The following CNTN1 variants were observed in gnomAD, a reference collection of about 807,000 sequenced individuals.
The protein encoded by CNTN1 is contactin-1.
Under a neutral mutation model 126.4 loss-of-function variants are expected in CNTN1, and 38 were observed. That is an observed-to-expected ratio of 0.30 (90% CI 0.23 to 0.39). CNTN1 has a LOEUF of 0.39. CNTN1 is among the 10% of genes least tolerant of loss of function. CNTN1 has a pLI of 1.00. For synonymous variants in CNTN1, 413 were observed against 422.6 expected (o/e 0.98, Z 0.28); for missense variants, 1,009 against 1,248.4 (o/e 0.81, Z 2.89).
At chr12:40,944,814 G>A (rs1362097089) in intron 14 of CNTN1, among the ~76,000 whole-genome samples, 2 of 152,042 alleles carry the variant, frequency 1.3e-5, no homozygotes, top group Non-Finnish European at 2.9e-5. Context: ...GGCTGTCTAG[G>A]TTACAGTGTA....
intron 1 of CNTN1, among the ~76,000 whole-genome samples, chr12:40,853,242 C>G (rs1942782374): frequency 6.6e-6 from 1 of 151,994 alleles, no homozygotes; most frequent in Non-Finnish European, 1.5e-5. Flanking sequence ...ACCATTGACC[C>G]TAAGAGCAAG....
chr12:40,826,461 AT>A (rs754018920), intron 1 of CNTN1, among the ~76,000 whole-genome samples: 1 of 152,208 alleles, frequency 6.6e-6, no homozygotes, highest in Non-Finnish European at 1.5e-5. Context: ...AGAACAAAAC[AT>A]TGTGGCACAT....
chr12:40,768,717 T>C (rs1303189108), intron 1 of CNTN1, among the ~76,000 whole-genome samples: 1 of 149,676 alleles, frequency 6.7e-6, no homozygotes, highest in East Asian at 1.9e-4. Flanking sequence ...GGCCTCTCAT[T>C]TTTACAACAA....
intron 1 of CNTN1, among the ~76,000 whole-genome samples, chr12:40,783,643 G>A (rs993409139): frequency 2.0e-5 from 3 of 151,940 alleles, no homozygotes; most frequent in Non-Finnish European, 4.4e-5. Flanking sequence ...CAATGTTTCA[G>A]GTAAAACATG....
chr12:41,029,128 A>C lies in CNTN1; in HGVS notation c.2889A>C (p.Glu963Asp). The C allele has an allele frequency of 6.2e-7, 1 of 1,614,118 alleles. No homozygotes were observed. The highest frequency in any genetic ancestry group is 8.5e-7 in the Non-Finnish European group (1 of 1,179,990). ...KLYSTHKHSI[E>D]VPIPRDGEYV... ...ATTCAACTCACAAACACTCCATAGAAGTCCCAATCCCCAGAGATGGAGAAT... is the reference window on the plus strand; with the variant it reads ...ATTCAACTCACAAACACTCCATAGACGTCCCAATCCCCAGAGATGGAGAAT... The change falls in exon 23 of 24, where the codon GAA becomes GAC. Residue 963 changes from glutamate to aspartate, a missense_variant. Coordinates refer to ENST00000551295, the MANE Select transcript of CNTN1 (RefSeq NM_001843.4).
chr12:40,834,592 T>C (rs900545495), intron 1 of CNTN1, among the ~76,000 whole-genome samples: 1 of 152,146 alleles, frequency 6.6e-6, no homozygotes, highest in Non-Finnish European at 1.5e-5. Flanking sequence ...CAGACGAATC[T>C]ATTGAAGAAC....
intron 15 of CNTN1, among the ~76,000 whole-genome samples, chr12:40,959,950 C>T (rs968218592): frequency 2.0e-5 from 3 of 152,056 alleles, no homozygotes; most frequent in African/African-American, 7.2e-5. Flanking sequence ...CCAACTCCAA[C>T]CATCTAACTA....
chr12:40,897,239 C>A (rs1164738921), intron 1 of CNTN1, among the ~76,000 whole-genome samples: 1 of 151,886 alleles, frequency 6.6e-6, no homozygotes, highest in Non-Finnish European at 1.5e-5. Flanking sequence ...GTTCACTAAG[C>A]TTCAGAGATT....
rs959933599 is a variant in CNTN1 at position 41,020,327 on chromosome 12, A to G, written c.2420-10A>G. On this transcript the variant is annotated splice_polypyrimidine_tract_variant and intron_variant, in intron 19 of 23. Transcript: ENST00000551295. ...CTCACTAATAATATAATGTTCTCAT[A>G]AAATTTCAGCTCCCAGTGAAGCCCC... The G allele has an allele frequency of 6.4e-7, 1 of 1,572,758 alleles. No individual in the cohort carries two copies. Among genetic ancestry groups the G allele is most frequent in the Non-Finnish European group, 8.7e-7 (1 of 1,144,758 alleles).
chr12:40,914,567 A>G (rs1038213797), intron 3 of CNTN1, among the ~76,000 whole-genome samples: 1 of 152,220 alleles, frequency 6.6e-6, no homozygotes, highest in Non-Finnish European at 1.5e-5. Context: ...AATCCTTAAT[A>G]GAAAAATGAA....
intron 23 of CNTN1, among the ~76,000 whole-genome samples, chr12:41,035,261 A>G (rs1489632131): frequency 6.6e-6 from 1 of 152,218 alleles, no homozygotes; most frequent in Non-Finnish European, 1.5e-5. Context: ...ATCCTCCAAG[A>G]TGTACTTTCT....
In CNTN1 at chr12:41,016,794, G is replaced by A. The variant is rs267603461; in HGVS notation, c.2297G>A (p.Arg766Gln). The A allele has an allele frequency of 8.1e-6, 13 of 1,613,986 alleles. No homozygotes were observed. Among genetic ancestry groups the A allele is most frequent in the South Asian group, 3.3e-5 (3 of 91,068 alleles). Residue 766 changes from arginine to glutamine, a missense_variant, in exon 19 of 24, where the codon CGA (arginine) becomes CAA (glutamine). Coordinates refer to ENST00000551295, the MANE Select transcript of CNTN1 (RefSeq NM_001843.4). Reference protein sequence around the residue: ...KVTVTNPDTGRYVHKDETMSP... With the variant: ...KVTVTNPDTGQYVHKDETMSP... ...ACAGTTACTAATCCTGATACTGGCC[G>A]ATATGTCCATAAAGATGAAACCATG...
At chr12:40,795,300 CACACACACACACACACACA>C (rs1256231284) in intron 1 of CNTN1, among the ~76,000 whole-genome samples, 1 of 43,268 alleles carries the variant, frequency 2.3e-5, no homozygotes, top group Non-Finnish European at 5.5e-5. Context: ...CACACACACA[CACACACACACACACACACA>C]TTTTTTTTTT....
At chr12:41,045,422 C>T (rs1191786177) in intron 23 of CNTN1, among the ~76,000 whole-genome samples, 1 of 152,204 alleles carries the variant, frequency 6.6e-6, no homozygotes, top group Admixed American at 6.6e-5. Flanking sequence ...AGGTTTGACA[C>T]TTATTCACTA....
chr12:40,916,341 T>G (rs1313988568), intron 3 of CNTN1, among the ~76,000 whole-genome samples: 2 of 152,082 alleles, frequency 1.3e-5, no homozygotes, highest in Non-Finnish European at 1.5e-5. Context: ...AGAAACCCTG[T>G]GCAATTGGGA....
intron 4 of CNTN1, among the ~76,000 whole-genome samples, chr12:40,919,535 G>C (rs1196258054): frequency 6.6e-6 from 1 of 152,140 alleles, no homozygotes; most frequent in Non-Finnish European, 1.5e-5. Flanking sequence ...GGGGGCTCTA[G>C]TGTGTTAATG....
At chr12:40,939,535 T>C (rs1565994599) in intron 12 of CNTN1, 50 bp downstream of exon 12, 1 of 1,596,674 alleles carries the variant, frequency 6.3e-7, no homozygotes, top group Non-Finnish European at 8.6e-7. Flanking sequence ...TGAAAAAGTT[T>C]ATTTTATAGA....
intron 1 of CNTN1, among the ~76,000 whole-genome samples, chr12:40,810,648 T>C (rs1187320091): frequency 1.3e-5 from 2 of 152,110 alleles, no homozygotes; most frequent in Admixed American, 1.3e-4. Context: ...TATTTATCTT[T>C]CTGTGTATGA....
chr12:40,949,069 T>C (rs1476263104), intron 14 of CNTN1, among the ~76,000 whole-genome samples: 1 of 152,026 alleles, frequency 6.6e-6, no homozygotes, highest in African/African-American at 2.4e-5. Flanking sequence ...TTATTAAACA[T>C]ATCAAAAAAG....
Sources: allele counts gnomAD v4.1 joint callset (sites outside exome capture counted in the v4.1 genomes callset), GRCh38; gene constraint gnomAD v4.1.1; transcripts MANE v1.5; gene names NCBI Gene and HGNC (gene_info 2026-07-23, HGNC 2026-07-21).